The following ABLIM3 variants were observed in gnomAD, a reference collection of about 807,000 sequenced individuals.
ABLIM3 encodes actin binding LIM protein family member 3, also known as actin-binding LIM protein 3.
Under a neutral mutation model 109.5 loss-of-function variants are expected in ABLIM3, and 61 were observed. That is an observed-to-expected ratio of 0.56 (90% CI 0.45 to 0.69). The LOEUF (loss-of-function observed/expected upper bound fraction) is 0.69. Ranked by LOEUF, ABLIM3 falls within the 30% of genes least tolerant of loss-of-function variation. The probability of loss-of-function intolerance (pLI) is 0.00; values close to 1 mark genes in which losing one functional copy is unlikely to be tolerated. For missense variants in ABLIM3, 796 were observed against 889.5 expected (o/e 0.89, Z 1.34); for synonymous variants, 300 against 324.8 (o/e 0.92, Z 0.82).
Position 149,229,356 on chromosome 5 carries a change from C to T in ABLIM3, c.758-1293C>T, listed in dbSNP as rs73795944. Among the ~76,000 whole-genome samples, 220 of 152,246 alleles carry T rather than the reference C, an allele frequency of 1.4e-3. 1 individual carries two copies. The highest frequency in any genetic ancestry group is 4.8e-3 in the African/African-American group (200 of 41,540). ...TTGTTCCACAAAAGACAAAACTGCC[C>T]GTAAAATTAGAAACTTGGAGATGAA... On this transcript the variant is annotated intron_variant, in intron 8 of 23. Transcript: ENST00000309868.
At chr5:149,232,904 T>C (rs1268477413) in intron 9 of ABLIM3, among the ~76,000 whole-genome samples, 1 of 152,218 alleles carries the variant, frequency 6.6e-6, no homozygotes, top group Non-Finnish European at 1.5e-5. Context: ...TGCTAACCAA[T>C]TTTATTTTTT....
intron 9 of ABLIM3, 97 bp downstream of exon 9, chr5:149,230,804 T>TAGTGTGCACACATTTGGG: frequency 1.5e-6 from 2 of 1,358,178 alleles, no homozygotes; most frequent in Non-Finnish European, 2.1e-6. Flanking sequence ...CAGCATTCCT[T>TAGTGTGCACACATTTGGG]AGTGTGCACA....
At chr5:149,208,379 TCTCTCTC>T (rs1448626998) in intron 6 of ABLIM3, among the ~76,000 whole-genome samples, 14 of 137,566 alleles carry the variant, frequency 1.0e-4, no homozygotes, top group Non-Finnish European at 1.5e-4. Flanking sequence ...TCTCTCTCTC[TCTCTCTC>T]AATTTCTCTT....
At chr5:149,207,482 T>C (rs541499405) in intron 6 of ABLIM3, among the ~76,000 whole-genome samples, 137 of 152,318 alleles carry the variant, frequency 9.0e-4, no homozygotes, top group African/African-American at 3.3e-3. Flanking sequence ...CCACCATTGG[T>C]AATTACATAT....
At chr5:149,234,833 G>A (rs901421182) in intron 10 of ABLIM3, among the ~76,000 whole-genome samples, 6 of 152,192 alleles carry the variant, frequency 3.9e-5, no homozygotes, top group African/African-American at 1.4e-4. Context: ...ACTAGAATAG[G>A]AGCACTCAGG....
At chr5:149,200,482 C>T (rs1332893439) in intron 5 of ABLIM3, 54 bp downstream of exon 5, 1 of 1,571,846 alleles carries the variant, frequency 6.4e-7, no homozygotes. Flanking sequence ...TCTCTGGGCT[C>T]CCCTTTCCCA....
chr5:149,168,717 A>G (rs972461751), intron 2 of ABLIM3, among the ~76,000 whole-genome samples: 1 of 152,376 alleles, frequency 6.6e-6, no homozygotes, highest in Admixed American at 6.5e-5. Context: ...CAGAGAAAAT[A>G]TACTTTGTAA....
intron 2 of ABLIM3, among the ~76,000 whole-genome samples, chr5:149,151,760 A>G (rs576935161): frequency 2.0e-5 from 3 of 152,306 alleles, no homozygotes; most frequent in East Asian, 1.9e-4. Context: ...TGGTGTTTCA[A>G]TAGTGTAAGG....
chr5:149,252,363 T>C, intron 22 of ABLIM3, 155 bp downstream of exon 22: 1 of 756,404 alleles, frequency 1.3e-6, no homozygotes, highest in South Asian at 2.2e-5. Context: ...CTGTCCCTTC[T>C]TGGCCCACTT....
chr5:149,254,960 C>T (rs900154524), intron 23 of ABLIM3, among the ~76,000 whole-genome samples: 1 of 152,214 alleles, frequency 6.6e-6, no homozygotes. Context: ...GGGCTAAAGA[C>T]ACTGCCCCAG....
chr5:149,200,523 G>A lies in ABLIM3; in HGVS notation c.448+95G>A, dbSNP rs568903305. The A allele has an allele frequency of 2.2e-6, 3 of 1,334,862 alleles. No individual in the cohort carries two copies. The East Asian group carries it at 7.4e-5, about 33-fold the overall frequency. 82.7% of individuals were successfully genotyped at this position (1,334,862 alleles called of 1,614,324 possible). On this transcript the variant is annotated intron_variant, in intron 5 of 23. Transcript: ENST00000309868. ...GCCAACTGCTCCCACGGGCCTGGAG[G>A]GAAGTGGGAGAGGTTCCCAACCTGG...
At chr5:149,200,459 C>T in intron 5 of ABLIM3, 31 bp downstream of exon 5, 1 of 1,599,966 alleles carries the variant, frequency 6.3e-7, no homozygotes. Context: ...TCTCCCTGTC[C>T]ATGGGTGTGA....
At chr5:149,250,543 C>T (rs769590158) in intron 20 of ABLIM3, 38 bp downstream of exon 20, 1 of 1,610,444 alleles carries the variant, frequency 6.2e-7, no homozygotes, top group Non-Finnish European at 8.5e-7. Flanking sequence ...AGGACGTTGT[C>T]CCCAAAATGC....
chr5:149,256,679 G>A (rs910704497), intron 23 of ABLIM3, among the ~76,000 whole-genome samples: 5 of 152,248 alleles, frequency 3.3e-5, no homozygotes, highest in African/African-American at 1.2e-4. Flanking sequence ...ACATTCTGAA[G>A]TGCATAGGAA....
chr5:149,222,685 T>C (rs1257180525), intron 8 of ABLIM3, among the ~76,000 whole-genome samples: 7 of 134,652 alleles, frequency 5.2e-5, no homozygotes, highest in Middle Eastern at 3.8e-3. Context: ...TTTTTTTTTT[T>C]AGCTCAGAGG....
At chr5:149,196,176 C>G (rs1259163284) in intron 3 of ABLIM3, among the ~76,000 whole-genome samples, 1 of 152,168 alleles carries the variant, frequency 6.6e-6, no homozygotes, top group East Asian at 1.9e-4. Context: ...ACTTCTGAAG[C>G]TGCCTTCTCC....
chr5:149,172,535 A>T (rs1755535033), intron 2 of ABLIM3, among the ~76,000 whole-genome samples: 1 of 152,162 alleles, frequency 6.6e-6, no homozygotes, highest in Non-Finnish European at 1.5e-5. Context: ...TCCTACACGC[A>T]TGTGGTGAGC....
intron 2 of ABLIM3, among the ~76,000 whole-genome samples, chr5:149,142,903 C>T (rs528295701): frequency 6.6e-5 from 10 of 152,262 alleles, no homozygotes; most frequent in African/African-American, 2.2e-4. Flanking sequence ...ACTCACTCTC[C>T]TGCCCTCTTG....
rs1759057066 is a variant in ABLIM3, at chr5:149,207,115, A to G, written c.556A>G (p.Thr186Ala). Residue 186 changes from threonine to alanine, a missense_variant, in exon 6 of 24, where the codon ACC (threonine) becomes GCC (alanine). Thr to Ala is a moderately conservative substitution (Grantham distance 58). Transcript: ENST00000309868. ...GTGCCAGACCTGCAGCGTCATCCTCACCGGGGAGTATATCAGCAAGTGGGT... is the reference window on the plus strand; with the variant it reads ...GTGCCAGACCTGCAGCGTCATCCTCGCCGGGGAGTATATCAGCAAGTGGGT... ...FKCQTCSVIL[T>A]GEYISKDGVP... 2 of 1,613,538 alleles carry G rather than the reference A, an allele frequency of 1.2e-6. No individual in the cohort carries two copies. Among genetic ancestry groups the G allele is most frequent in the African/African-American group, 2.7e-5 (2 of 74,828 alleles).
Sources: gnomAD v4.1 joint callset for allele counts (sites outside exome capture counted in the v4.1 genomes callset) on GRCh38, gnomAD v4.1.1 for gene constraint, MANE v1.5 for transcripts, NCBI Gene and HGNC (gene_info 2026-07-23, HGNC 2026-07-21) for gene names.